Variants in MAPKBP1 observed in about 807,000 individuals in gnomAD.
The protein encoded by MAPKBP1 is mitogen-activated protein kinase-binding protein 1.
Under a neutral mutation model 170.5 loss-of-function variants are expected in MAPKBP1, and 71 were observed. The ratio of observed to expected loss-of-function variants is 0.42; its 90% CI spans 0.34 to 0.51. MAPKBP1 has a LOEUF of 0.51. MAPKBP1 is among the 20% of genes least tolerant of loss of function. MAPKBP1 has a pLI of 0.06. For synonymous variants in MAPKBP1, 719 were observed against 757.9 expected, an observed-to-expected ratio of 0.95 and a Z score of 0.84; for missense variants, 1,598 against 1,933.0, an observed-to-expected ratio of 0.83 and a Z score of 3.25.
intron 2 of MAPKBP1, among the ~76,000 whole-genome samples, chr15:41,784,555 G>A (rs1046616585): frequency 4.0e-5 from 6 of 151,704 alleles, no homozygotes; most frequent in East Asian, 3.9e-4. Context: ...AGGCCGAGGC[G>A]GGTGGATCAC....
intron 26 of MAPKBP1, 85 bp from the exon 27 acceptor site, chr15:41,822,508 G>C: frequency 6.2e-7 from 1 of 1,604,634 alleles, no homozygotes; most frequent in Admixed American, 1.7e-5. Context: ...CAGGGTATAG[G>C]CTGTGGCTGG....
chr15:41,800,697 C>T (rs1053798842), intron 3 of MAPKBP1, among the ~76,000 whole-genome samples: 5 of 151,484 alleles, frequency 3.3e-5, no homozygotes, highest in African/African-American at 1.2e-4. Context: ...CCCTAGGCAA[C>T]CACTGTCTCC....
At chr15:41,795,007 A>G (rs1218997073) in intron 2 of MAPKBP1, among the ~76,000 whole-genome samples, 2 of 151,976 alleles carry the variant, frequency 1.3e-5, no homozygotes, top group African/African-American at 2.4e-5. Flanking sequence ...TCTACCAAAA[A>G]TACAAAAATT....
intron 8 of MAPKBP1, 158 bp from the exon 9 acceptor site, chr15:41,813,463 G>A (rs1567149315): frequency 1.4e-6 from 2 of 1,431,300 alleles, no homozygotes; most frequent in Non-Finnish European, 2.0e-6. Context: ...TCCCTGGCTG[G>A]ACAGGGCTGA....
rs755310456 is a variant in MAPKBP1 at position 41,822,391 on chromosome 15, C to T, written c.3198C>T (p.His1066=). ...TPDQEQFLKQ[H]FETLASGAAP... Reference sequence around the variant, plus strand: ...ACCAGGAGCAGTTTCTAAAACAGCACTTTGAGACTCTGGCCAGTGGAGCTG... The same window carrying T: ...ACCAGGAGCAGTTTCTAAAACAGCATTTTGAGACTCTGGCCAGTGGAGCTG... Residue 1066 remains histidine, a synonymous_variant, in exon 26 of 31, where the codon CAC becomes CAT. Coordinates refer to ENST00000457542, the MANE Select transcript of MAPKBP1 (RefSeq NM_014994.3). 2 of 1,614,000 alleles carry T rather than the reference C, an allele frequency of 1.2e-6. No individual in the cohort carries two copies. The highest frequency in any genetic ancestry group is 1.7e-6 in the Non-Finnish European group (2 of 1,180,012).
Position 41,798,118 on chromosome 15 carries a change from C to T in MAPKBP1, c.115-1705C>T, listed in dbSNP as rs1003290916. On this transcript the variant is annotated intron_variant, in intron 2 of 30. Coordinates refer to ENST00000457542, the MANE Select transcript of MAPKBP1 (RefSeq NM_014994.3). The stretch of plus-strand genomic sequence containing the variant: ...ACAAAAAACTAGCAGGGTGTGGTGG[C>T]GGGTGCCTGTAGTCCCAGCTACTCA... Among the ~76,000 whole-genome samples, 5 of 150,922 alleles carry T rather than the reference C, an allele frequency of 3.3e-5. No individual in the cohort carries two copies. The South Asian group carries it at 6.4e-4, about 19-fold the overall frequency.
intron 22 of MAPKBP1, among the ~76,000 whole-genome samples, chr15:41,820,590 A>T (rs2064978352): frequency 6.6e-6 from 1 of 152,152 alleles, no homozygotes; most frequent in East Asian, 1.9e-4. Context: ...CTCTGGAGCC[A>T]GACTAATCTG....
intron 2 of MAPKBP1, among the ~76,000 whole-genome samples, chr15:41,786,777 A>AAAAAATATATATATATATATAT: frequency 1.8e-3 from 59 of 32,302 alleles, no homozygotes; most frequent in South Asian, 4.0e-3. Context: ...AAAAAAAAAA[A>AAAAAATATATATATATATATAT]ATATATATAT....
chr15:41,815,298 C>A lies in MAPKBP1; in HGVS notation c.1210C>A (p.Pro404Thr). Residue 404 changes from proline (P) to threonine (T), a missense_variant, in exon 11 of 31, where the codon CCC becomes ACC. Physicochemically the swap from Pro to Thr is conservative, Grantham distance 38. This residue lies in a region of MAPKBP1 where 430 missense variants were observed against 617.2 expected (regional missense o/e 0.70). Transcript: ENST00000457542. ...GAAGGATAGTAACCAGGCCTGCCTG[C>A]CCCCCAGTTCCTTTATTACCTGCTC... is the stretch of plus-strand genomic sequence containing the variant. The part of the protein sequence containing the change: ...EVKDSNQACL[P>T]PSSFITCSSD... 1 of 1,614,110 alleles carries A rather than the reference C, an allele frequency of 6.2e-7. No homozygotes were observed. Among genetic ancestry groups the A allele is most frequent in the South Asian group, 1.1e-5 (1 of 91,074 alleles).
chr15:41,775,746 G>C (rs2064087667), intron 2 of MAPKBP1, among the ~76,000 whole-genome samples: 1 of 152,240 alleles, frequency 6.6e-6, no homozygotes, highest in Non-Finnish European at 1.5e-5. Flanking sequence ...GCTAAGCTGT[G>C]ACTAATGTAG....
intron 3 of MAPKBP1, among the ~76,000 whole-genome samples, chr15:41,802,002 A>C (rs758871896): frequency 3.9e-5 from 6 of 152,164 alleles, no homozygotes; most frequent in Non-Finnish European, 5.9e-5. Context: ...CAAACCCTAG[A>C]TGGTATAGCC....
At position 41,823,932 on chromosome 15, in the gene MAPKBP1, C is replaced by G. The variant is rs767592033; in HGVS notation, c.4084C>G (p.Pro1362Ala). ...ECQAHPGPSSPCAQQLPVSSL... is the reference protein window; with the variant it reads ...ECQAHPGPSSACAQQLPVSSL... ...CCAGGCTCATCCTGGGCCCAGCAGC[C>G]CCTGTGCCCAGCAACTGCCAGTCAG... The change falls in exon 29 of 31, where the codon CCC becomes GCC. Residue 1362 changes from proline to alanine, a missense_variant. Coordinates refer to ENST00000457542, the MANE Select transcript of MAPKBP1 (RefSeq NM_014994.3). The G allele has an allele frequency of 6.2e-7, 1 of 1,614,142 alleles. No homozygotes were observed. Among genetic ancestry groups the G allele is most frequent in the East Asian group, 2.2e-5 (1 of 44,882 alleles).
rs747137432 is a variant in MAPKBP1 at position 41,820,844 on chromosome 15, G to A, written c.2494G>A (p.Val832Met). ...HWEMSRAQES[V>M]GFLDPAPAAN... ...TACCTCCCACCAGGCACAGGAGTCCGTGGGGTTCCTGGACCCAGCTCCTGC... is the reference window on the plus strand; with the variant it reads ...TACCTCCCACCAGGCACAGGAGTCCATGGGGTTCCTGGACCCAGCTCCTGC... The change falls in exon 23 of 31, where the codon GTG (valine) becomes ATG (methionine). Residue 832 changes from valine to methionine, a missense_variant. Transcript: ENST00000457542. 7.4e-6 allele frequency: 12 copies of A among 1,613,674 alleles called. No homozygotes were observed. The highest frequency in any genetic ancestry group is 4.5e-5 in the East Asian group (2 of 44,874).
intron 3 of MAPKBP1, among the ~76,000 whole-genome samples, chr15:41,800,996 A>G (rs927461470): frequency 3.3e-5 from 5 of 152,130 alleles, no homozygotes; most frequent in African/African-American, 1.2e-4. Flanking sequence ...CAGCTTCCCA[A>G]AGTGCTGGGA....
At chr15:41,815,825 T>G (rs1249616347) in intron 12 of MAPKBP1, 26 bp downstream of exon 12, 1 of 1,598,152 alleles carries the variant, frequency 6.3e-7, no homozygotes, top group Non-Finnish European at 8.6e-7. Flanking sequence ...GGGTGGGTAC[T>G]GACTGCCTCT....
Position 41,825,300 on chromosome 15 carries a change from C to CCTT in MAPKBP1, c.4391_4392insCTT (p.Ala1464_Val1465insPhe). ...TCTTCAGTGCGACAGGAGCTGGAAG[C>CCTT]TGTGGCTGGGGCAGTGCTGTCCAGC... On this transcript the variant is annotated inframe_insertion, in exon 31 of 31. Transcript: ENST00000457542. 2.5e-6 allele frequency: 4 copies of CCTT among 1,613,316 alleles called. No individual in the cohort carries two copies. In the South Asian group the frequency reaches 4.4e-5, roughly 18 times the overall value.
In MAPKBP1 at chr15:41,817,570, G is replaced by A; in HGVS notation, c.1783-44G>A. On this transcript the variant is annotated intron_variant, in intron 15 of 30. Transcript: ENST00000457542. The surrounding 1 kb of genome is among the most constrained non-coding windows in gnomAD (Gnocchi z 4.2). ...GCAAGTAGGGCTCTTGGGGCCTGGT[G>A]AGGCATTTGGGTGTGGGCCTGCCCA... 2 of 1,613,782 alleles carry A rather than the reference G, an allele frequency of 1.2e-6. No homozygotes were observed. Among genetic ancestry groups the A allele is most frequent in the Non-Finnish European group, 8.5e-7 (1 of 1,179,720 alleles).
chr15:41,780,276 A>C (rs1365791785), intron 2 of MAPKBP1, among the ~76,000 whole-genome samples: 2 of 152,058 alleles, frequency 1.3e-5, no homozygotes, highest in Non-Finnish European at 2.9e-5. Flanking sequence ...GTGTATTTTC[A>C]TTTCTTGACT....
intron 2 of MAPKBP1, among the ~76,000 whole-genome samples, chr15:41,791,228 G>T (rs1194983554): frequency 6.6e-6 from 1 of 151,174 alleles, no homozygotes; most frequent in East Asian, 2.1e-4. Context: ...AAAGTAGCTG[G>T]TGGCAACAAA....
Sources: allele counts gnomAD v4.1 joint callset (sites outside exome capture counted in the v4.1 genomes callset), GRCh38; gene constraint gnomAD v4.1.1; regional missense constraint gnomAD v4.1.1; non-coding constraint Gnocchi (gnomAD v3.1); transcripts MANE v1.5; gene names NCBI Gene and HGNC (gene_info 2026-07-23, HGNC 2026-07-21).